The following LZTS3 variants were observed in gnomAD, a reference collection of about 807,000 sequenced individuals.
The protein encoded by LZTS3 is leucine zipper putative tumor suppressor 3.
LZTS3 carries 16 observed loss-of-function variants against 50.9 expected under a neutral mutation model. The ratio of observed to expected loss-of-function variants is 0.31; its 90% CI spans 0.21 to 0.48. The LOEUF (loss-of-function observed/expected upper bound fraction) is 0.48, where lower values mean the gene tolerates loss of function less well. LZTS3 is among the 20% of genes least tolerant of loss of function. The pLI is 0.99. For missense variants in LZTS3, 816 were observed against 931.0 expected (o/e 0.88, Z 1.61); for synonymous variants, 408 against 410.6 (o/e 0.99, Z 0.08).
At chr20:3,171,234 A>G (rs1424879951) in intron 1 of LZTS3, among the ~76,000 whole-genome samples, 1 of 152,130 alleles carries the variant, frequency 6.6e-6, no homozygotes, top group Non-Finnish European at 1.5e-5. Flanking sequence ...ACTCTCCCCT[A>G]CTGTTTCTCT....
In LZTS3 at chr20:3,166,979, C is replaced by A; in HGVS notation, c.185G>T (p.Gly62Val). The A allele has an allele frequency of 6.2e-7, 1 of 1,600,024 alleles. No homozygotes were observed. The change falls in exon 3 of 5, where the codon GGG (glycine) becomes GTG (valine). Residue 62 changes from glycine (G) to valine (V), a missense_variant. Gly to Val is a moderately radical substitution (Grantham distance 109). Transcript: ENST00000337576. ...MKSVGTRTGGGGSQGSFPGPR... is the reference protein window; with the variant it reads ...MKSVGTRTGGVGSQGSFPGPR... Reference sequence around the variant, plus strand: ...GCCAGGGAAACTGCCCTGGCTGCCCCCACCCCCTGTGCGGGTACCCACGCT... The same window carrying A: ...GCCAGGGAAACTGCCCTGGCTGCCCACACCCCCTGTGCGGGTACCCACGCT...
rs369813552 is a variant in LZTS3 at position 3,166,372 on chromosome 20, G to A, written c.460-12C>T. On this transcript the variant is annotated splice_polypyrimidine_tract_variant and intron_variant, in intron 3 of 4. Coordinates refer to ENST00000337576, the MANE Select transcript of LZTS3 (RefSeq NM_001365618.1). ...AGTGGTTCTGAGCACTGCAGGAAAC[G>A]CAGGAGGGGGCTGGGGGTCAGGATG... 2.8e-5 allele frequency: 45 copies of A among 1,588,284 alleles called. No individual in the cohort carries two copies. The highest frequency in any genetic ancestry group is 4.5e-5 in the East Asian group (2 of 44,764).
In LZTS3 at chr20:3,165,891, G is replaced by A. The variant is rs773934324; in HGVS notation, c.929C>T (p.Ala310Val). 2.1e-5 allele frequency: 33 copies of A among 1,607,806 alleles called. No homozygotes were observed. The highest frequency in any genetic ancestry group is 1.7e-4 in the Middle Eastern group (1 of 6,060). Residue 310 changes from alanine to valine, a missense_variant, in exon 4 of 5, where the codon GCG becomes GTG. Transcript: ENST00000337576. The surrounding 1 kb of genome is among the most constrained non-coding windows in gnomAD (Gnocchi z 5.0). Reference protein sequence around the residue: ...GEGGGGGLPFAACSPPSPSAL... With the variant: ...GEGGGGGLPFVACSPPSPSAL... ...ACTGGGGGAGGGCGGTGAGCAGGCC[G>A]CGAAAGGCAGGCCTCCACCTCCGCC...
chr20:3,173,087 G>A lies in LZTS3; in HGVS notation c.-243+368C>T, dbSNP rs1568494269. Among the ~76,000 whole-genome samples the A allele has an allele frequency of 4.6e-5, 7 of 152,200 alleles. No individual in the cohort carries two copies. In the South Asian group the frequency reaches 1.5e-3, roughly 32 times the overall value. On this transcript the variant is annotated intron_variant, in intron 1 of 4. Transcript: ENST00000337576. ...GGGTCGCCATTCACCAGCAGCCCACGGCCCGCAGAGCCAACTGATAGAGAC... is the reference window on the plus strand; with the variant it reads ...GGGTCGCCATTCACCAGCAGCCCACAGCCCGCAGAGCCAACTGATAGAGAC...
chr20:3,165,391 A>ACCCC lies in LZTS3; in HGVS notation c.1323+105_1323+106insGGGG, dbSNP rs1555767247. On this transcript the variant is annotated intron_variant, in intron 4 of 4. Coordinates refer to ENST00000337576, the MANE Select transcript of LZTS3 (RefSeq NM_001365618.1). The surrounding 1 kb of genome is among the most constrained non-coding windows in gnomAD (Gnocchi z 5.0). ...GATTTTTGTCCCCCCTGCTCCTTTC[A>ACCCC]TCCCCCCCCCCATCCCACCGTTATG... The ACCCC allele has an allele frequency of 1.5e-5, 14 of 937,032 alleles. No individual in the cohort carries two copies. The highest frequency in any genetic ancestry group is 2.1e-5 in the African/African-American group (1 of 47,212). 58.0% of individuals were successfully genotyped at this position (937,032 alleles called of 1,614,324 possible).
chr20:3,166,230 T>C lies in LZTS3; in HGVS notation c.590A>G (p.Lys197Arg). 6.2e-7 allele frequency: 1 copy of C among 1,613,834 alleles called. No homozygotes were observed. Among genetic ancestry groups the C allele is most frequent in the South Asian group, 1.1e-5 (1 of 91,034 alleles). Residue 197 changes from lysine (K) to arginine (R), a missense_variant, in exon 4 of 5, where the codon AAA becomes AGA. Around this residue, in one of 3 missense-constraint regions of LZTS3, gnomAD observed 700 missense variants for 769.4 expected, o/e 0.91. Coordinates refer to ENST00000337576, the MANE Select transcript of LZTS3 (RefSeq NM_001365618.1). ...GGTCCGAGACTTGTCCAGTCCGCCT[T>C]TGAGGCCACCAGGGCCCTGCCGTCC... ...PEGRQGPGGL[K>R]GGLDKSRTMT... is the part of the protein sequence containing the mutation.
In LZTS3 at chr20:3,164,248, T is replaced by C; in HGVS notation, c.*206A>G. On this transcript the variant is annotated 3_prime_UTR_variant, in exon 5 of 5. Coordinates refer to ENST00000337576, the MANE Select transcript of LZTS3 (RefSeq NM_001365618.1). ...CCTGCCCTCCTCCTATTCCCTCCTT[T>C]TAGGGGGGTCCAAGTGGGCTGCCAC... 2.1e-6 allele frequency: 1 copy of C among 481,328 alleles called. No individual in the cohort carries two copies. Among genetic ancestry groups the C allele is most frequent in the Non-Finnish European group, 3.5e-6 (1 of 283,900 alleles). 29.8% of individuals were successfully genotyped at this position (481,328 alleles called of 1,614,324 possible). A position where few individuals can be genotyped will look rare whatever the true frequency, so the allele number is the denominator to read the frequency against.
At chr20:3,168,080 CT>C (rs2066856804) in intron 1 of LZTS3, 119 bp from the exon 2 acceptor site, 1 of 140,178 alleles carries the variant, frequency 7.1e-6, no homozygotes, top group African/African-American at 2.5e-5. Context: ...CGACGCACAT[CT>C]GGGTCGCGGG....
chr20:3,170,185 T>C (rs867490512), intron 1 of LZTS3, among the ~76,000 whole-genome samples: 1 of 152,100 alleles, frequency 6.6e-6, no homozygotes, highest in Non-Finnish European at 1.5e-5. Context: ...TATGTCAGAA[T>C]GGTTTCAGAA....
chr20:3,173,257 GGCC>G (rs1000302802), intron 1 of LZTS3, among the ~76,000 whole-genome samples, 195 bp downstream of exon 1: 3 of 152,046 alleles, frequency 2.0e-5, no homozygotes, highest in African/African-American at 7.2e-5. Context: ...CACCCCCTCT[GGCC>G]GCCACCTCCC....
At chr20:3,170,486 C>CAAAAAAAAAAAAAAAAAAA (rs397955055) in intron 1 of LZTS3, among the ~76,000 whole-genome samples, 1 of 72,586 alleles carries the variant, frequency 1.4e-5, no homozygotes, top group Non-Finnish European at 2.4e-5. Context: ...GAGACTACAT[C>CAAAAAAAAAAAAAAAAAAA]AAAAAAAAAA....
In LZTS3 at chr20:3,164,789, C is replaced by T; in HGVS notation, c.1687G>A (p.Glu563Lys). The T allele has an allele frequency of 1.3e-6, 2 of 1,530,294 alleles. No homozygotes were observed. Among genetic ancestry groups the T allele is most frequent in the Non-Finnish European group, 1.8e-6 (2 of 1,141,138 alleles). 94.8% of individuals were successfully genotyped at this position (1,530,294 alleles called of 1,614,324 possible). A position where few individuals can be genotyped will look rare whatever the true frequency, so the allele number is the denominator to read the frequency against. ...CGCGTCCCGCTCTCCCCGCCAGCCT[C>T]CGCCTCCCCGTCCACGGAAACCAAG... is the stretch of plus-strand genomic sequence containing the variant. ...ASLVSVDGEA[E>K]AGGESGTRAL... The change falls in exon 5 of 5, where the codon GAG becomes AAG. Residue 563 changes from glutamate (E) to lysine (K), a missense_variant. This residue lies in a region of LZTS3 where 700 missense variants were observed against 769.4 expected (regional missense o/e 0.91). Transcript: ENST00000337576.
At chr20:3,167,692 C>A (rs181356832) in intron 2 of LZTS3, 46 bp downstream of exon 2, 2 of 986,158 alleles carry the variant, frequency 2.0e-6, no homozygotes, top group Non-Finnish European at 2.4e-6. Context: ...GAGAAATACA[C>A]CCCTATCCAA....
rs1600442225 is a variant in LZTS3, at chr20:3,165,448, A to T, written c.1323+49T>A. On this transcript the variant is annotated intron_variant, in intron 4 of 4. Transcript: ENST00000337576. This position sits in a 1 kb window ranked among gnomAD's most constrained non-coding sequence, Gnocchi z 5.0. ...AGGGGCAACTGCTCTGGGGTTTCCC[A>T]GAGGGACAGAAGGGAGGCAGAGGGG... 24 of 1,291,668 alleles carry T rather than the reference A, an allele frequency of 1.9e-5. No individual in the cohort carries two copies. In the East Asian group the frequency reaches 1.1e-3, roughly 60 times the overall value. 80.0% of individuals were successfully genotyped at this position (1,291,668 alleles called of 1,614,324 possible).
intron 1 of LZTS3, among the ~76,000 whole-genome samples, chr20:3,170,486 C>CAAAAAAAAAAAAA (rs397955055): frequency 3.4e-4 from 25 of 72,554 alleles, no homozygotes; most frequent in East Asian, 8.1e-4. Flanking sequence ...GAGACTACAT[C>CAAAAAAAAAAAAA]AAAAAAAAAA....
intron 1 of LZTS3, among the ~76,000 whole-genome samples, chr20:3,169,539 G>A (rs1295351258): frequency 2.0e-5 from 3 of 152,166 alleles, no homozygotes; most frequent in Non-Finnish European, 4.4e-5. Context: ...AGACTGCTTG[G>A]GGAAAATAGT....
intron 3 of LZTS3, 56 bp from the exon 4 acceptor site, chr20:3,166,416 A>G: frequency 6.5e-7 from 1 of 1,527,284 alleles, no homozygotes; most frequent in Admixed American, 2.1e-5. Context: ...GGCTTGGCCC[A>G]GGCTCTTCCC....
At position 3,165,956 on chromosome 20, in the gene LZTS3, C is replaced by G. The variant is rs959197146; in HGVS notation, c.864G>C (p.Ser288=). 5.6e-6 allele frequency: 9 copies of G among 1,612,802 alleles called. No homozygotes were observed. In the African/African-American group the frequency reaches 9.3e-5, roughly 17 times the overall value. Residue 288 remains serine (S), a synonymous_variant, in exon 4 of 5, where the codon TCG becomes TCC. Transcript: ENST00000337576. This position sits in a 1 kb window ranked among gnomAD's most constrained non-coding sequence, Gnocchi z 5.0. ...SGRASSKSGS[S]SSMGRPGHLG... ...GGTGGCCTGGCCGCCCCATAGATGA[C>G]GACGACCCACTCTTGCTGGAGGCCC...
Position 3,169,293 on chromosome 20 carries a change from C to G in LZTS3, c.-242-1332G>C, listed in dbSNP as rs866655284. On this transcript the variant is annotated intron_variant, in intron 1 of 4. Transcript: ENST00000337576. ...CCCTATGCCTCAGCCCTGCAACCCC[C>G]TCCTACCTTAAGTATGGACCCTTCT... Among the ~76,000 whole-genome samples the G allele has an allele frequency of 1.4e-4, 21 of 152,352 alleles. 1 individual carries two copies. Among genetic ancestry groups the G allele is most frequent in the Admixed American group, 8.5e-4 (13 of 15,304 alleles).
Sources: gnomAD v4.1 joint callset for allele counts (sites outside exome capture counted in the v4.1 genomes callset) on GRCh38, gnomAD v4.1.1 for gene constraint, gnomAD v4.1.1 regional missense constraint, Gnocchi (gnomAD v3.1) non-coding constraint, MANE v1.5 for transcripts, NCBI Gene and HGNC (gene_info 2026-07-23, HGNC 2026-07-21) for gene names.